Variants in PRRT1B observed in about 807,000 individuals in gnomAD.
PRRT1B encodes proline rich transmembrane protein 1B, also known as dispanin subfamily D member 2.
rs371657362 is a variant in PRRT1B at position 131,545,733 on chromosome 9, A to G, written c.25+93A>G. On this transcript the variant is annotated intron_variant, in intron 1 of 3. Transcript: ENST00000636672. ...CGAGGCAGGTACTGGAGGGGCAGGT[A>G]CTGGCGGGGCAGGTGCTGGCGGGGC... The G allele has an allele frequency of 1.0e-3, 409 of 396,468 alleles. 1 individual carries two copies. The highest frequency in any genetic ancestry group is 7.8e-3 in the African/African-American group (361 of 46,182). The allele number at this position is 396,468 out of a possible 1,614,324, so 24.6% of individuals were successfully genotyped here. A position where few individuals can be genotyped will look rare whatever the true frequency, so the allele number is the denominator to read the frequency against.
At chr9:131,555,120 C>CCTTGCAGAGGAGGAAACGCCACCTCGG (rs147776408) in intron 2 of PRRT1B, 91 bp downstream of exon 2, 5 of 381,296 alleles carry the variant, frequency 1.3e-5, no homozygotes, top group African/African-American at 1.0e-4. Flanking sequence ...TCACTTCTGT[C>CCTTGCAGAGGAGGAAACGCCACCTCGG]CCTGGGGGCG....
At position 131,554,164 on chromosome 9, in the gene PRRT1B, G is replaced by C. The variant is rs73660023; in HGVS notation, c.26-393G>C. ...GTTCAGCTCATCTCCTCAGGTAGGCGTCCCCTTCATTGGAGGTGTATCTCA... is the reference window on the plus strand; with the variant it reads ...GTTCAGCTCATCTCCTCAGGTAGGCCTCCCCTTCATTGGAGGTGTATCTCA... On this transcript the variant is annotated intron_variant, in intron 1 of 3. Coordinates refer to ENST00000636672, the Ensembl canonical transcript of PRRT1B. Among the ~76,000 whole-genome samples the C allele has an allele frequency of 6.1e-3, 926 of 152,314 alleles. 16 individuals are homozygous for C. The highest frequency in any genetic ancestry group is 5.8e-3 in the Non-Finnish European group (395 of 68,028).
At chr9:131,559,367 C>T (rs1177528954), downstream of PRRT1B, among the ~76,000 whole-genome samples, 17 of 152,118 alleles carry the variant, frequency 1.1e-4, no homozygotes, top group South Asian at 4.1e-4. Flanking sequence ...TGCTTGAATC[C>T]GGGAGGCAGA....
chr9:131,555,142 G>C (rs1384582427), intron 2 of PRRT1B, 113 bp downstream of exon 2: 2 of 100,308 alleles, frequency 2.0e-5, no homozygotes, highest in Non-Finnish European at 3.2e-5. Flanking sequence ...GCGAGTCCGG[G>C]AGGCTCCCTG....
chr9:131,558,373 GCCTCAGCCT>G (rs1184722957), exon 4 of PRRT1B: 3 of 394,884 alleles, frequency 7.6e-6, no homozygotes, highest in African/African-American at 6.2e-5. Flanking sequence ...TTGTGGCTGG[GCCTCAGCCT>G]CCTCAGCCTC....
At chr9:131,558,017 G>A (rs1014439568) in intron 3 of PRRT1B, 36 bp from the exon 4 acceptor site, 6 of 398,600 alleles carry the variant, frequency 1.5e-5, no homozygotes, top group African/African-American at 6.2e-5. Context: ...CTCCCTGTTC[G>A]CTCCCACCGC....
intron 2 of PRRT1B, among the ~76,000 whole-genome samples, chr9:131,555,465 T>G (rs1169920805): frequency 6.6e-6 from 1 of 151,974 alleles, no homozygotes; most frequent in African/African-American, 2.4e-5. Context: ...GGCTTGGGCT[T>G]AGGAGTTCCA....
Position 131,555,069 on chromosome 9 carries a change from G to C in PRRT1B, c.498+40G>C, listed in dbSNP as rs1346772323. 1.1e-5 allele frequency: 4 copies of C among 372,126 alleles called. No individual in the cohort carries two copies. The East Asian group carries it at 1.1e-4, about 11-fold the overall frequency. 23.1% of individuals were successfully genotyped at this position (372,126 alleles called of 1,614,324 possible). ...CCCTGGGCGCGCTCCCCTCCGTGCT[G>C]TCTGCGCGTGGTCGGGGGCGCCCGT... On this transcript the variant is annotated intron_variant, in intron 2 of 3. Coordinates refer to ENST00000636672, the Ensembl canonical transcript of PRRT1B.
At chr9:131,554,787 C>T (rs1951036560) in exon 2 of PRRT1B, 3 of 337,234 alleles carry the variant, frequency 8.9e-6, no homozygotes, top group Admixed American at 9.8e-5. Flanking sequence ...CGAGGCCGGG[C>T]CGGTTTCCAA....
exon 2 of PRRT1B, chr9:131,554,831 C>T (rs1196184955): frequency 5.4e-6 from 2 of 367,410 alleles, no homozygotes; most frequent in Non-Finnish European, 9.7e-6. Flanking sequence ...ACATCGGCTT[C>T]GTTGGGGAGC....
At chr9:131,556,494 G>C (rs1252361359) in intron 3 of PRRT1B, among the ~76,000 whole-genome samples, 1 of 152,188 alleles carries the variant, frequency 6.6e-6, no homozygotes, top group Non-Finnish European at 1.5e-5. Context: ...CATTCCAGTG[G>C]AGGCTTGTGT....
At chr9:131,555,669 C>T (rs1951044194) in intron 2 of PRRT1B, among the ~76,000 whole-genome samples, 1 of 152,060 alleles carries the variant, frequency 6.6e-6, no homozygotes, top group African/African-American at 2.4e-5. Context: ...GAGCAAGCCT[C>T]TGCCTCCAAA....
Position 131,554,995 on chromosome 9 carries a change from C to A in PRRT1B, c.464C>A (p.Ser155Ter). 1 of 393,942 alleles carries A rather than the reference C, an allele frequency of 2.5e-6. No individual in the cohort carries two copies. The highest frequency in any genetic ancestry group is 1.3e-4 in the South Asian group (1 of 7,852). 24.4% of individuals were successfully genotyped at this position (393,942 alleles called of 1,614,324 possible). ...GCGCCCACGCCGCCCGCGCTCTTCT[C>A]GCCGCCCGCCGGGGCCGCCTTCCCC... The change falls in exon 2 of 4, where the codon TCG becomes TAG. Residue 155 changes from serine (S) to a stop codon, truncating the protein, a stop_gained. Transcript: ENST00000636672. LOFTEE classifies it high-confidence loss of function.
At chr9:131,554,730 G>A (rs1307463255) in exon 2 of PRRT1B, 5 of 336,634 alleles carry the variant, frequency 1.5e-5, no homozygotes, top group East Asian at 9.1e-5. Context: ...CGGGGCCGCG[G>A]GGGGCAGCGA....
At chr9:131,554,659 CGCTCCCGCA>C (rs1353925401) in exon 2 of PRRT1B, 6 of 390,204 alleles carry the variant, frequency 1.5e-5, no homozygotes, top group East Asian at 1.5e-4. Context: ...GCGCAGCCCG[CGCTCCCGCA>C]GCTCCCGCGC....
At position 131,551,102 on chromosome 9, in the gene PRRT1B, T is replaced by C. The variant is rs1181762805; in HGVS notation, c.26-3455T>C. 3.3e-5 allele frequency among the ~76,000 whole-genome samples: 5 copies of C among 151,618 alleles called. No homozygotes were observed. The highest frequency in any genetic ancestry group is 5.9e-5 in the Non-Finnish European group (4 of 67,896). ...GGACTACAGGCACCCGCCACCATGC[T>C]CCGCTAATTTTTTGTATTTTTAGTA... On this transcript the variant is annotated intron_variant, in intron 1 of 3. Transcript: ENST00000636672. This position sits in a 1 kb window ranked among gnomAD's most constrained non-coding sequence, Gnocchi z 4.4.
downstream of PRRT1B, among the ~76,000 whole-genome samples, chr9:131,559,281 A>G (rs1951070198): frequency 6.6e-6 from 1 of 152,222 alleles, no homozygotes; most frequent in Non-Finnish European, 1.5e-5. Flanking sequence ...TGTCTCTACT[A>G]AAAATACAAA....
At chr9:131,552,258 GC>G in intron 1 of PRRT1B, among the ~76,000 whole-genome samples, 1 of 152,256 alleles carries the variant, frequency 6.6e-6, no homozygotes, top group South Asian at 2.1e-4. Context: ...ACAGCTCACT[GC>G]CCCCTCCTGT....
chr9:131,553,107 G>A (rs183310970), intron 1 of PRRT1B, among the ~76,000 whole-genome samples: 1 of 152,230 alleles, frequency 6.6e-6, no homozygotes, highest in East Asian at 1.9e-4. Context: ...GGAAAGACAT[G>A]CTTTTAAAAA....
Sources: gnomAD v4.1 joint callset for allele counts (sites outside exome capture counted in the v4.1 genomes callset) on GRCh38, gnomAD v4.1.1 for gene constraint, Gnocchi (gnomAD v3.1) non-coding constraint, MANE v1.5 for transcripts, NCBI Gene and HGNC (gene_info 2026-07-23, HGNC 2026-07-21) for gene names.